The following NPR3 variants were observed in gnomAD, a reference collection of about 807,000 sequenced individuals.
NPR3 encodes the protein natriuretic peptide receptor 3, also known as atrial natriuretic peptide receptor 3.
In NPR3, 34 loss-of-function variants were observed where a neutral mutation model predicts 54.5. The observed-to-expected ratio is 0.62, with a 90% confidence interval of 0.47 to 0.83. NPR3 has a LOEUF of 0.83. Among genes scored for constraint, NPR3 ranks in the 40% least tolerant of loss-of-function variants. The pLI, the probability that NPR3 is intolerant of heterozygous loss-of-function variation, is 0.00. For synonymous variants in NPR3, 289 were observed against 297.1 expected, an observed-to-expected ratio of 0.97 and a Z score of 0.28; for missense variants, 674 against 720.8, an observed-to-expected ratio of 0.94 and a Z score of 0.74.
Position 32,728,837 on chromosome 5 carries a change from GTATATATATATA to G in NPR3, c.892+4045_892+4056del, listed in dbSNP as rs70961659. Among the ~76,000 whole-genome samples the G allele has an allele frequency of 1.0e-4, 5 of 48,006 alleles. No homozygotes were observed. The South Asian group carries it at 3.7e-3, about 36-fold the overall frequency. 31.5% of individuals were successfully genotyped at this position (48,006 alleles called of 152,430 possible). The stretch of plus-strand genomic sequence containing the variant: ...TATTTGTGTGTGTGTGTGTGTGTGT[GTATATATATATA>G]TATATATATATATATATATATATAT... On this transcript the variant is annotated intron_variant, in intron 2 of 7. Transcript: ENST00000265074.
intron 3 of NPR3, among the ~76,000 whole-genome samples, chr5:32,746,553 T>C (rs983876627): frequency 2.0e-5 from 3 of 152,230 alleles, no homozygotes; most frequent in African/African-American, 7.2e-5. Context: ...AAATGCTACC[T>C]TATCTTACAT....
At chr5:32,694,451 A>G (rs1740475541) in intron 1 of NPR3, among the ~76,000 whole-genome samples, 1 of 152,212 alleles carries the variant, frequency 6.6e-6, no homozygotes, top group Non-Finnish European at 1.5e-5. Context: ...GCTGCCATTT[A>G]TTAATTTTCT....
At position 32,724,923 on chromosome 5, in the gene NPR3, C is replaced by T; in HGVS notation, c.892+103C>T. 8 of 1,233,994 alleles carry T rather than the reference C, an allele frequency of 6.5e-6. No individual in the cohort carries two copies. The South Asian group carries it at 9.4e-5, about 14-fold the overall frequency. 76.4% of individuals were successfully genotyped at this position (1,233,994 alleles called of 1,614,324 possible). On this transcript the variant is annotated intron_variant, in intron 2 of 7. Coordinates refer to ENST00000265074, the MANE Select transcript of NPR3 (RefSeq NM_001204375.2). Reference sequence around the variant, plus strand: ...ATAAATAATATGTGGTACATAAACACCATGGAATACTATGCAGCTTTATAA... The same window carrying T: ...ATAAATAATATGTGGTACATAAACATCATGGAATACTATGCAGCTTTATAA...
chr5:32,701,097 C>A lies in NPR3; in HGVS notation c.100+11911C>A, dbSNP rs570271590. 2.6e-3 allele frequency among the ~76,000 whole-genome samples: 402 copies of A among 152,266 alleles called. 1 individual carries two copies. Among genetic ancestry groups the A allele is most frequent in the African/African-American group, 9.6e-3 (397 of 41,552 alleles). Reference sequence around the variant, plus strand: ...TTTTAATGATCACCATTCTAACTGGCGCGAGATGGTATCTCATTGTATTTT... The same window carrying A: ...TTTTAATGATCACCATTCTAACTGGAGCGAGATGGTATCTCATTGTATTTT... On this transcript the variant is annotated intron_variant, in intron 1 of 5. Coordinates refer to the NPR3 transcript ENST00000509104.
chr5:32,751,035 A>T (rs967521190), intron 3 of NPR3, among the ~76,000 whole-genome samples: 13 of 152,198 alleles, frequency 8.5e-5, no homozygotes, highest in African/African-American at 3.1e-4. Flanking sequence ...CGTCTTTCCT[A>T]CATGGACAGG....
intron 2 of NPR3, among the ~76,000 whole-genome samples, chr5:32,735,190 C>T (rs1033294803): frequency 2.0e-5 from 3 of 152,184 alleles, no homozygotes; most frequent in Admixed American, 6.5e-5. Flanking sequence ...ATTCTGCAGT[C>T]GCCTTGGATT....
Position 32,777,853 on chromosome 5 carries a change from A to G in NPR3, c.1196-2869A>G, listed in dbSNP as rs552970881. On this transcript the variant is annotated intron_variant, in intron 4 of 7. Transcript: ENST00000265074. ...TGAGGAGCTAGAATCCAATAGGATA[A>G]TTCAGGGGGCATATTAGGACAGAGC... Among the ~76,000 whole-genome samples the G allele has an allele frequency of 3.0e-4, 45 of 152,324 alleles. No homozygotes were observed. The South Asian group carries it at 9.3e-3, about 32-fold the overall frequency.
intron 3 of NPR3, among the ~76,000 whole-genome samples, chr5:32,754,735 A>G (rs188064083): frequency 6.6e-6 from 1 of 152,354 alleles, no homozygotes; most frequent in East Asian, 1.9e-4. Context: ...AATAAACAAT[A>G]TGACTATTGG....
intron 1 of NPR3, among the ~76,000 whole-genome samples, chr5:32,712,855 G>C (rs778083901): frequency 2.3e-4 from 35 of 152,200 alleles, no homozygotes; most frequent in Non-Finnish European, 4.1e-4. Context: ...CACTTTGCCA[G>C]CGCCGGGCTG....
At chr5:32,754,553 C>T (rs533100006) in intron 3 of NPR3, among the ~76,000 whole-genome samples, 1 of 152,040 alleles carries the variant, frequency 6.6e-6, no homozygotes, top group Non-Finnish European at 1.5e-5. Context: ...AGCCCTCTTA[C>T]TGATCATAAA....
At chr5:32,719,906 C>T (rs1738764137) in intron 1 of NPR3, among the ~76,000 whole-genome samples, 1 of 151,734 alleles carries the variant, frequency 6.6e-6, no homozygotes, top group Admixed American at 6.6e-5. Flanking sequence ...GCATACTCTG[C>T]TTTGCTTCCA....
At chr5:32,729,853 C>A (rs914390464) in intron 2 of NPR3, among the ~76,000 whole-genome samples, 2 of 152,178 alleles carry the variant, frequency 1.3e-5, no homozygotes, top group Non-Finnish European at 2.9e-5. Flanking sequence ...TACCAAGCTT[C>A]CTCTAATGTT....
chr5:32,711,914 G>A lies in NPR3; in HGVS notation c.138G>A (p.Glu46=). 6.7e-7 allele frequency: 1 copy of A among 1,493,628 alleles called. No homozygotes were observed. The highest frequency in any genetic ancestry group is 8.9e-7 in the Non-Finnish European group (1 of 1,119,898). The allele number at this position is 1,493,628 out of a possible 1,614,324, so 92.5% of individuals were successfully genotyped here. A position where few individuals can be genotyped will look rare whatever the true frequency, so the allele number is the denominator to read the frequency against. Residue 46 remains glutamate (E), a synonymous_variant, in exon 1 of 8, where the codon GAG becomes GAA. Coordinates refer to ENST00000265074, the MANE Select transcript of NPR3 (RefSeq NM_001204375.2). The part of the protein sequence containing the change: ...AGIGGGRQER[E]ALPPQKIEVL... ...TAGGCGGCGGACGCCAGGAGAGAGA[G>A]GCGCTGCCGCCACAGAAGATCGAGG... is the stretch of plus-strand genomic sequence containing the variant.
At chr5:32,743,829 A>G (rs931297518) in intron 3 of NPR3, among the ~76,000 whole-genome samples, 1 of 152,034 alleles carries the variant, frequency 6.6e-6, no homozygotes, top group Admixed American at 6.6e-5. Context: ...CTAGTCTATC[A>G]CTGGGGCTGT....
intron 3 of NPR3, among the ~76,000 whole-genome samples, chr5:32,770,376 G>A (rs910274943): frequency 6.6e-5 from 10 of 152,090 alleles, no homozygotes; most frequent in Middle Eastern, 3.4e-3. Flanking sequence ...GCTGTAGTGA[G>A]CTGAGATTGC....
upstream of NPR3, chr5:32,710,796 G>A (rs1416177553): frequency 8.5e-6 from 13 of 1,524,506 alleles, no homozygotes; most frequent in Admixed American, 2.6e-4. Context: ...GAGAGCAAGC[G>A]GCACCTAAGG....
chr5:32,699,976 A>T (rs918374011), intron 1 of NPR3, among the ~76,000 whole-genome samples: 3 of 152,174 alleles, frequency 2.0e-5, no homozygotes, highest in Admixed American at 1.3e-4. Flanking sequence ...ATACTATTCT[A>T]GTTTAAAAGT....
chr5:32,750,695 C>A (rs539282011), intron 3 of NPR3, among the ~76,000 whole-genome samples: 2 of 152,024 alleles, frequency 1.3e-5, no homozygotes, highest in African/African-American at 4.8e-5. Flanking sequence ...TTTGAGAGAG[C>A]GAGTGAACAT....
At chr5:32,720,974 GT>G (rs1738827676) in intron 1 of NPR3, among the ~76,000 whole-genome samples, 1 of 152,154 alleles carries the variant, frequency 6.6e-6, no homozygotes. Context: ...GGAAAAGAAA[GT>G]TATTTTAATT....
Sources: allele counts gnomAD v4.1 joint callset (sites outside exome capture counted in the v4.1 genomes callset), GRCh38; gene constraint gnomAD v4.1.1; transcripts MANE v1.5; gene names NCBI Gene and HGNC (gene_info 2026-07-23, HGNC 2026-07-21).